LOC400499: variants seen among roughly 807,000 people sequenced by gnomAD.
the LOC400499 span, chr16:11,462,200 C>A: frequency 1.3e-6 from 2 of 1,534,722 alleles, no homozygotes; most frequent in African/African-American, 2.7e-5. Flanking sequence ...TGTGAGGTTC[C>A]CGGTGAAGAC....
At chr16:11,465,484 C>T in the LOC400499 span, 1 of 152,148 alleles carries the variant, frequency 6.6e-6, no homozygotes, top group African/African-American at 2.4e-5. Flanking sequence ...AGAACTTCAA[C>T]ACAGTGACAG....
the LOC400499 span, among the ~76,000 whole-genome samples, chr16:11,489,078 G>A: frequency 6.6e-6 from 1 of 152,216 alleles, no homozygotes; most frequent in Non-Finnish European, 1.5e-5. Flanking sequence ...TCCAGCCCGT[G>A]TATGGAATTC....
chr16:11,379,196 C>G, the LOC400499 span, among the ~76,000 whole-genome samples: 1 of 152,186 alleles, frequency 6.6e-6, no homozygotes, highest in East Asian at 1.9e-4. Flanking sequence ...TGCAGTGAGC[C>G]GTTATCATGC....
chr16:11,428,369 G>A, the LOC400499 span, among the ~76,000 whole-genome samples: 1 of 151,940 alleles, frequency 6.6e-6, no homozygotes, highest in East Asian at 1.9e-4. Flanking sequence ...AGACGGGGTT[G>A]CACCATGTTG....
At chr16:11,375,570 C>T in the LOC400499 span, among the ~76,000 whole-genome samples, 1 of 151,236 alleles carries the variant, frequency 6.6e-6, no homozygotes, top group Non-Finnish European at 1.5e-5. Context: ...ACCTTGGCTT[C>T]CCAAAGTGCT....
At chr16:11,501,729 T>C in the LOC400499 span, among the ~76,000 whole-genome samples, 1 of 151,730 alleles carries the variant, frequency 6.6e-6, no homozygotes, top group Non-Finnish European at 1.5e-5. Flanking sequence ...CAGCCCAGAC[T>C]CTCCACGCCC....
At chr16:11,424,211 G>A in the LOC400499 span, 2 of 399,340 alleles carry the variant, frequency 5.0e-6, no homozygotes, top group South Asian at 2.5e-4. Context: ...GGAGGCCCGA[G>A]GACTCGGGGG....
chr16:11,398,634 A>G, the LOC400499 span: 2 of 668,850 alleles, frequency 3.0e-6, no homozygotes, highest in Admixed American at 8.8e-5. Flanking sequence ...AGCTCTCATC[A>G]GCCACAGCAC....
At chr16:11,474,718 A>AATT in the LOC400499 span, among the ~76,000 whole-genome samples, 1 of 151,568 alleles carries the variant, frequency 6.6e-6, no homozygotes. Context: ...AAAAAAAAAA[A>AATT]ATTAGCTGGG....
chr16:11,452,300 T>G, the LOC400499 span, among the ~76,000 whole-genome samples: 1 of 151,888 alleles, frequency 6.6e-6, no homozygotes, highest in African/African-American at 2.4e-5. Flanking sequence ...GTATAGATTA[T>G]GTTATTCTGT....
At chr16:11,449,517 A>G in the LOC400499 span, among the ~76,000 whole-genome samples, 1 of 152,298 alleles carries the variant, frequency 6.6e-6, no homozygotes, top group East Asian at 1.9e-4. Context: ...GGCTCGTTTC[A>G]GAGCTAGGGG....
At chr16:11,495,415 C>G in the LOC400499 span, among the ~76,000 whole-genome samples, 1 of 150,576 alleles carries the variant, frequency 6.6e-6, no homozygotes, top group African/African-American at 2.4e-5. Context: ...GAGTCTTGCT[C>G]TCTCATTCAT....
At chr16:11,457,021 C>A in the LOC400499 span, 5 of 1,530,554 alleles carry the variant, frequency 3.3e-6, no homozygotes, top group South Asian at 6.0e-5. Flanking sequence ...ACCTGCCTCT[C>A]AGGCACCTGC....
chr16:11,450,502 G>A, the LOC400499 span: 2 of 1,109,356 alleles, frequency 1.8e-6, no homozygotes, highest in Admixed American at 2.1e-5. Flanking sequence ...TCACACACCT[G>A]TGAGCTGCTA....
the LOC400499 span, among the ~76,000 whole-genome samples, chr16:11,376,941 CT>C: frequency 6.1e-3 from 868 of 142,932 alleles, 7 homozygotes; most frequent in African/African-American, 0.02. Context: ...TGTAAATGGA[CT>C]TTTTTTTTTT....
chr16:11,459,569 G>A, the LOC400499 span, among the ~76,000 whole-genome samples: 2 of 152,176 alleles, frequency 1.3e-5, no homozygotes, highest in Non-Finnish European at 2.9e-5. Context: ...TTCAGCTGCT[G>A]AGCACACCAT....
chr16:11,481,458 G>A, the LOC400499 span, among the ~76,000 whole-genome samples: 67 of 151,608 alleles, frequency 4.4e-4, no homozygotes, highest in Non-Finnish European at 8.7e-4. Flanking sequence ...GATTAGGTGG[G>A]ATTATAAACG....
At chr16:11,407,379 G>C in the LOC400499 span, 1 of 397,942 alleles carries the variant, frequency 2.5e-6, no homozygotes, top group African/African-American at 2.1e-5. Context: ...ACACGATAAA[G>C]CTCCTCATCA....
the LOC400499 span, among the ~76,000 whole-genome samples, chr16:11,450,012 G>T: frequency 6.6e-6 from 1 of 152,126 alleles, no homozygotes; most frequent in African/African-American, 2.4e-5. Context: ...CCTCCTCATG[G>T]TCCCTAAGAT....
Sources: gnomAD v4.1 joint callset for allele counts (sites outside exome capture counted in the v4.1 genomes callset) on GRCh38, gnomAD v4.1.1 for gene constraint, MANE v1.5 for transcripts.